The following SGMS1 variants were observed in gnomAD, a reference collection of about 807,000 sequenced individuals.
SGMS1 encodes the protein sphingomyelin synthase 1, also known as phosphatidylcholine:ceramide cholinephosphotransferase 1.
A neutral mutation model predicts 46.2 loss-of-function variants in SGMS1; 13 were observed. That is an observed-to-expected ratio of 0.28 (90% confidence interval 0.18 to 0.45). The LOEUF (loss-of-function observed/expected upper bound fraction) is 0.45, where lower values mean the gene tolerates loss of function less well. SGMS1 is among the 20% of genes least tolerant of loss of function. The probability of loss-of-function intolerance (pLI) is 1.00; values close to 1 mark genes in which losing one functional copy is unlikely to be tolerated. For missense variants in SGMS1, 324 were observed against 519.9 expected, an observed-to-expected ratio of 0.62 and a Z score of 3.66; for synonymous variants, 203 against 187.8, an observed-to-expected ratio of 1.08 and a Z score of -0.66.
At chr10:50,572,557 C>A (rs187000232) in intron 2 of SGMS1, among the ~76,000 whole-genome samples, 4 of 151,970 alleles carry the variant, frequency 2.6e-5, no homozygotes, top group Non-Finnish European at 5.9e-5. Flanking sequence ...TGGGAGGGAC[C>A]CTTCCACCCC....
intron 3 of SGMS1, among the ~76,000 whole-genome samples, chr10:50,507,401 G>C (rs1837716358): frequency 6.6e-6 from 1 of 152,160 alleles, no homozygotes; most frequent in South Asian, 2.1e-4. Context: ...AGAAGCCCAG[G>C]AACACCAAGG....
intron 2 of SGMS1, among the ~76,000 whole-genome samples, chr10:50,556,985 G>C (rs986870882): frequency 3.9e-5 from 6 of 152,110 alleles, no homozygotes; most frequent in Non-Finnish European, 5.9e-5. Flanking sequence ...GCGTGAGTTC[G>C]ATGTCCTGTC....
chr10:50,544,112 T>C (rs1838079262), intron 2 of SGMS1, among the ~76,000 whole-genome samples: 1 of 152,240 alleles, frequency 6.6e-6, no homozygotes, highest in Non-Finnish European at 1.5e-5. Context: ...CATGCTGACA[T>C]AGCTTATAGG....
chr10:50,462,519 G>C (rs1466782900), intron 4 of SGMS1, among the ~76,000 whole-genome samples: 1 of 152,152 alleles, frequency 6.6e-6, no homozygotes, highest in East Asian at 1.9e-4. Flanking sequence ...TGGGTCACTT[G>C]ACAGAAACTG....
chr10:50,624,908 G>A (rs1838906972), upstream of SGMS1: 1 of 1,006,770 alleles, frequency 9.9e-7, no homozygotes, highest in Non-Finnish European at 1.2e-6. Flanking sequence ...CGCGGCTACG[G>A]GCCCGGCGTA....
intron 6 of SGMS1, among the ~76,000 whole-genome samples, chr10:50,421,774 G>T (rs1413198530): frequency 6.6e-6 from 1 of 152,136 alleles, no homozygotes; most frequent in African/African-American, 2.4e-5. Context: ...ACACTCGAGG[G>T]TCTAAAAATT....
intron 6 of SGMS1, among the ~76,000 whole-genome samples, chr10:50,375,804 G>A (rs1440242529): frequency 6.6e-6 from 1 of 152,178 alleles, no homozygotes; most frequent in Admixed American, 6.5e-5. Context: ...CATACAAGAT[G>A]TATGTAAAGA....
intron 3 of SGMS1, among the ~76,000 whole-genome samples, chr10:50,513,431 A>T (rs2133776851): frequency 6.6e-6 from 1 of 152,252 alleles, no homozygotes; most frequent in Non-Finnish European, 1.5e-5. Flanking sequence ...TGAGGCTTCA[A>T]AACTACCTTC....
At chr10:50,621,188 AAAC>A (rs1295905513) in intron 1 of SGMS1, among the ~76,000 whole-genome samples, 3 of 147,636 alleles carry the variant, frequency 2.0e-5, no homozygotes, top group African/African-American at 4.9e-5. Context: ...AAAGAAAAAC[AAAC>A]AAAAAAAAAC....
upstream of SGMS1, chr10:50,624,160 C>T: frequency 2.0e-6 from 2 of 982,440 alleles, no homozygotes; most frequent in Non-Finnish European, 2.4e-6. Context: ...TAATGGGAAA[C>T]TGAGGAGGCG....
chr10:50,340,167 T>C (rs1847794238), intron 7 of SGMS1, among the ~76,000 whole-genome samples: 1 of 152,194 alleles, frequency 6.6e-6, no homozygotes, highest in African/African-American at 2.4e-5. Flanking sequence ...CACTAAGTCA[T>C]AATTTCTCTG....
intron 6 of SGMS1, among the ~76,000 whole-genome samples, chr10:50,369,726 A>G (rs2574985): frequency 0.81 from 123,695 of 152,152 alleles, 51,106 homozygotes; most frequent in African/African-American, 0.95. Context: ...TTCAACAAAG[A>G]TCCAAGTTCT....
chr10:50,307,041 G>C lies in SGMS1; in HGVS notation c.*101C>G. The C allele has an allele frequency of 8.5e-7, 1 of 1,177,246 alleles. No individual in the cohort carries two copies. The highest frequency in any genetic ancestry group is 1.6e-5 in the South Asian group (1 of 62,736). 72.9% of individuals were successfully genotyped at this position (1,177,246 alleles called of 1,614,324 possible). On this transcript the variant is annotated 3_prime_UTR_variant, in exon 11 of 11. Transcript: ENST00000361781. The surrounding 1 kb of genome is among the most constrained non-coding windows in gnomAD (Gnocchi z 4.2). Reference sequence around the variant, plus strand: ...AATAGGTTAAGTCAAGGTAACCATTGAAAGATAATAGGATTAGGGAGGTGT... The same window carrying C: ...AATAGGTTAAGTCAAGGTAACCATTCAAAGATAATAGGATTAGGGAGGTGT...
chr10:50,510,368 G>A (rs1837743006), intron 3 of SGMS1, among the ~76,000 whole-genome samples: 1 of 152,124 alleles, frequency 6.6e-6, no homozygotes, highest in African/African-American at 2.4e-5. Context: ...GTTTTTGTGT[G>A]AATAGAGGTT....
intron 1 of SGMS1, among the ~76,000 whole-genome samples, chr10:50,599,276 C>G (rs1838626281): frequency 6.6e-6 from 1 of 152,214 alleles, no homozygotes; most frequent in African/African-American, 2.4e-5. Flanking sequence ...GTCTGCATAT[C>G]TTGGTTGTGT....
chr10:50,605,281 A>T (rs181031770), intron 1 of SGMS1, among the ~76,000 whole-genome samples: 40 of 152,320 alleles, frequency 2.6e-4, no homozygotes, highest in African/African-American at 9.4e-4. Flanking sequence ...GTAGCTCAGA[A>T]CCTCAGCCCC....
intron 2 of SGMS1, among the ~76,000 whole-genome samples, chr10:50,535,358 T>A (rs1289569895): frequency 2.6e-5 from 4 of 152,148 alleles, no homozygotes; most frequent in Non-Finnish European, 5.9e-5. Flanking sequence ...AGTATTTCCT[T>A]AAAGCAAGCT....
chr10:50,353,928 A>G (rs1848078077), intron 6 of SGMS1, among the ~76,000 whole-genome samples: 1 of 152,202 alleles, frequency 6.6e-6, no homozygotes, highest in African/African-American at 2.4e-5. Context: ...CCACTGCTCA[A>G]TGAAATAAAA....
At chr10:50,525,271 T>C (rs1162444851) in intron 2 of SGMS1, among the ~76,000 whole-genome samples, 3 of 152,220 alleles carry the variant, frequency 2.0e-5, no homozygotes, top group Admixed American at 6.5e-5. Flanking sequence ...ATAGGAAAAA[T>C]TCTGTTGTAC....
Sources: allele counts gnomAD v4.1 joint callset (sites outside exome capture counted in the v4.1 genomes callset), GRCh38; gene constraint gnomAD v4.1.1; non-coding constraint Gnocchi (gnomAD v3.1); transcripts MANE v1.5; gene names NCBI Gene and HGNC (gene_info 2026-07-23, HGNC 2026-07-21).